RSRC1: variants seen among roughly 807,000 people sequenced by gnomAD.
The protein encoded by RSRC1 is arginine and serine rich coiled-coil 1.
RSRC1 carries 39 observed loss-of-function variants against 49.1 expected under a neutral mutation model. The ratio of observed to expected loss-of-function variants is 0.79; its 90% CI spans 0.61 to 1.04. The LOEUF is 1.04. Among genes scored for constraint, RSRC1 ranks in the 50% least tolerant of loss-of-function variants. The probability of loss-of-function intolerance (pLI) is 0.00; values close to 1 mark genes in which losing one functional copy is unlikely to be tolerated. For synonymous variants in RSRC1, 143 were observed against 130.8 expected (o/e 1.09, Z -0.63); for missense variants, 388 against 402.4 (o/e 0.96, Z 0.31).
intron 4 of RSRC1, among the ~76,000 whole-genome samples, chr3:158,256,651 G>A (rs1467237441): frequency 6.6e-6 from 1 of 152,122 alleles, no homozygotes; most frequent in Non-Finnish European, 1.5e-5. Flanking sequence ...AATGGTACCA[G>A]CTACTCTTTG....
intron 7 of RSRC1, among the ~76,000 whole-genome samples, chr3:158,479,454 A>G (rs1315836723): frequency 6.6e-6 from 1 of 151,716 alleles, no homozygotes. Context: ...TTTTTTCCAA[A>G]TGAGTTTGGT....
In RSRC1 at chr3:158,405,453, A is replaced by G. The variant is rs1428105314; in HGVS notation, c.583+50545A>G. 4.6e-5 allele frequency among the ~76,000 whole-genome samples: 7 copies of G among 152,110 alleles called. No homozygotes were observed. In the South Asian group the frequency reaches 6.2e-4, roughly 13 times the overall value. Reference sequence around the variant, plus strand: ...TATATAATGCAGTACTTCAGAACTAACAGAATGTTATTTTATAGCACTGTT... The same window carrying G: ...TATATAATGCAGTACTTCAGAACTAGCAGAATGTTATTTTATAGCACTGTT... On this transcript the variant is annotated intron_variant, in intron 6 of 9. Coordinates refer to ENST00000611884, the MANE Select transcript of RSRC1 (RefSeq NM_001271838.2).
At chr3:158,222,811 TCTAA>T (rs1317192004) in intron 4 of RSRC1, among the ~76,000 whole-genome samples, 1 of 151,670 alleles carries the variant, frequency 6.6e-6, no homozygotes, top group African/African-American at 2.4e-5. Context: ...CGTTACCTTT[TCTAA>T]CTGTGCTCTG....
intron 6 of RSRC1, among the ~76,000 whole-genome samples, chr3:158,360,608 G>A (rs1731411723): frequency 6.6e-6 from 1 of 152,248 alleles, no homozygotes; most frequent in Non-Finnish European, 1.5e-5. Flanking sequence ...GTCTGGAGGG[G>A]GCTAAGGCAG....
At chr3:158,535,702 A>G (rs563293154) in intron 7 of RSRC1, among the ~76,000 whole-genome samples, 1 of 151,584 alleles carries the variant, frequency 6.6e-6, no homozygotes, top group South Asian at 2.1e-4. Context: ...ATCAACTTCA[A>G]GAGGATCCTA....
At chr3:158,213,356 A>G (rs1269668452) in intron 4 of RSRC1, among the ~76,000 whole-genome samples, 1 of 152,028 alleles carries the variant, frequency 6.6e-6, no homozygotes, top group East Asian at 1.9e-4. Context: ...CAAGGCAATG[A>G]AAGTATATAA....
At chr3:158,180,671 C>T (rs1359253939) in intron 3 of RSRC1, among the ~76,000 whole-genome samples, 1 of 151,472 alleles carries the variant, frequency 6.6e-6, no homozygotes, top group African/African-American at 2.4e-5. Flanking sequence ...TTCGCCATGT[C>T]GTCCAGGCTG....
chr3:158,292,049 C>T (rs1726966709), intron 4 of RSRC1, among the ~76,000 whole-genome samples: 1 of 152,280 alleles, frequency 6.6e-6, no homozygotes, highest in Admixed American at 6.5e-5. Flanking sequence ...TCTTCTCACG[C>T]CTAAGATTAA....
At chr3:158,351,692 T>A (rs1195623864) in intron 5 of RSRC1, among the ~76,000 whole-genome samples, 1 of 151,918 alleles carries the variant, frequency 6.6e-6, no homozygotes, top group Non-Finnish European at 1.5e-5. Context: ...TTAGTTAGAA[T>A]GATCCTGAGA....
intron 4 of RSRC1, among the ~76,000 whole-genome samples, chr3:158,288,545 A>G (rs1301429911): frequency 6.6e-6 from 1 of 152,162 alleles, no homozygotes; most frequent in African/African-American, 2.4e-5. Flanking sequence ...CATGTATCAC[A>G]TGCCCTTTCC....
At chr3:158,281,587 G>A (rs1176519379) in intron 4 of RSRC1, among the ~76,000 whole-genome samples, 1 of 152,036 alleles carries the variant, frequency 6.6e-6, no homozygotes, top group African/African-American at 2.4e-5. Context: ...ATTTTTTTGA[G>A]AAAATGTAGA....
At chr3:158,507,985 A>AC (rs1739945326) in intron 7 of RSRC1, among the ~76,000 whole-genome samples, 1 of 152,088 alleles carries the variant, frequency 6.6e-6, no homozygotes, top group South Asian at 2.1e-4. Flanking sequence ...AGATGGGAGT[A>AC]CCCCTAGAGC....
chr3:158,215,890 T>A (rs1436689870), intron 4 of RSRC1, among the ~76,000 whole-genome samples: 2 of 151,764 alleles, frequency 1.3e-5, no homozygotes, highest in Non-Finnish European at 2.9e-5. Flanking sequence ...TACCATTCTC[T>A]TGTGTTGTAG....
chr3:158,513,595 T>A (rs9790180), intron 7 of RSRC1, among the ~76,000 whole-genome samples: 46,649 of 151,794 alleles, frequency 0.31, 7,297 homozygotes, highest in South Asian at 0.41. Flanking sequence ...GTTGTGTCTC[T>A]GCCCAGCTTT....
intron 6 of RSRC1, among the ~76,000 whole-genome samples, chr3:158,449,762 T>G (rs1736917852): frequency 6.6e-6 from 1 of 152,038 alleles, no homozygotes; most frequent in Non-Finnish European, 1.5e-5. Context: ...ATATGATTTG[T>G]GCCGTAATTT....
chr3:158,252,974 T>C (rs938097427), intron 4 of RSRC1, among the ~76,000 whole-genome samples: 3 of 152,060 alleles, frequency 2.0e-5, no homozygotes, highest in Non-Finnish European at 4.4e-5. Flanking sequence ...TTCTTCTCTC[T>C]TTTTCTCTTA....
At chr3:158,190,089 A>T (rs1720149820) in intron 3 of RSRC1, among the ~76,000 whole-genome samples, 2 of 152,158 alleles carry the variant, frequency 1.3e-5, no homozygotes, top group South Asian at 4.1e-4. Context: ...AAAAAATTAA[A>T]GCCATTGTTT....
At chr3:158,352,245 C>G (rs1730918385) in intron 5 of RSRC1, among the ~76,000 whole-genome samples, 1 of 151,860 alleles carries the variant, frequency 6.6e-6, no homozygotes, top group Admixed American at 6.6e-5. Context: ...GCACGTTAGC[C>G]TAGGCAACAG....
intron 3 of RSRC1, among the ~76,000 whole-genome samples, chr3:158,161,592 T>C (rs1718220857): frequency 6.6e-6 from 1 of 151,866 alleles, no homozygotes; most frequent in African/African-American, 2.4e-5. Flanking sequence ...TGAAACTCCA[T>C]CTCTACTAAA....
Sources: gnomAD v4.1 joint callset for allele counts (sites outside exome capture counted in the v4.1 genomes callset) on GRCh38, gnomAD v4.1.1 for gene constraint, MANE v1.5 for transcripts, NCBI Gene and HGNC (gene_info 2026-07-23, HGNC 2026-07-21) for gene names.